TAFA2: variants seen among roughly 807,000 people sequenced by gnomAD.
TAFA2 encodes TAFA chemokine like family member 2.
Under a neutral mutation model 18.8 loss-of-function variants are expected in TAFA2, and 7 were observed. The ratio of observed to expected loss-of-function variants is 0.37; its 90% confidence interval spans 0.21 to 0.70. The LOEUF (loss-of-function observed/expected upper bound fraction) is 0.70, where lower values mean the gene tolerates loss of function less well. Ranked by LOEUF, TAFA2 falls within the 30% of genes least tolerant of loss-of-function variation. TAFA2 has a pLI of 0.53. For missense variants in TAFA2, 122 were observed against 158.1 expected, an observed-to-expected ratio of 0.77 and a Z score of 1.23; for synonymous variants, 60 against 54.2, an observed-to-expected ratio of 1.11 and a Z score of -0.47.
chr12:62,029,280 T>C (rs1437821310), intron 1 of TAFA2, among the ~76,000 whole-genome samples: 1 of 152,172 alleles, frequency 6.6e-6, no homozygotes, highest in Non-Finnish European at 1.5e-5. Flanking sequence ...AAACCATTAA[T>C]TGTGAAACAC....
intron 2 of TAFA2, among the ~76,000 whole-genome samples, chr12:61,833,975 G>C (rs986904837): frequency 2.6e-5 from 4 of 151,982 alleles, no homozygotes; most frequent in Admixed American, 2.6e-4. Context: ...TTTCCTGCAT[G>C]GTTCAAGCCA....
intron 2 of TAFA2, among the ~76,000 whole-genome samples, chr12:61,863,699 G>C (rs1158945943): frequency 6.6e-6 from 1 of 152,172 alleles, no homozygotes; most frequent in Admixed American, 6.5e-5. Flanking sequence ...CGTAGCTGCT[G>C]ATACACTACC....
rs78868494 is a variant in TAFA2, at chr12:62,178,498, C to A, written c.-2+12761G>T. 3.5e-3 allele frequency among the ~76,000 whole-genome samples: 532 copies of A among 152,274 alleles called. 4 individuals are homozygous for A. The highest frequency in any genetic ancestry group is 0.012 in the African/African-American group (494 of 41,554). On this transcript the variant is annotated intron_variant, in intron 1 of 4. Transcript: ENST00000416284. ...AGGGTCTGAGAGTTTACCCTATTTG[C>A]AAACTCACAAGTTAGTCTACCATAT...
chr12:61,988,908 T>A (rs1466418832), intron 1 of TAFA2, among the ~76,000 whole-genome samples: 2 of 152,156 alleles, frequency 1.3e-5, no homozygotes, highest in Non-Finnish European at 2.9e-5. Flanking sequence ...TCATCTTTGT[T>A]TCATGGAAAC....
intron 2 of TAFA2, among the ~76,000 whole-genome samples, chr12:61,833,934 T>C (rs1251994386): frequency 6.6e-6 from 1 of 152,064 alleles, no homozygotes; most frequent in South Asian, 2.1e-4. Flanking sequence ...AGAGCTGGTA[T>C]AGAGCCTGGA....
chr12:62,049,765 T>C (rs1485914005), intron 1 of TAFA2, among the ~76,000 whole-genome samples: 2 of 152,172 alleles, frequency 1.3e-5, no homozygotes, highest in African/African-American at 2.4e-5. Context: ...ATATTGTGTA[T>C]GTATATTATT....
chr12:62,229,310 G>T (rs1450206682), intron 1 of TAFA2, among the ~76,000 whole-genome samples: 1 of 151,904 alleles, frequency 6.6e-6, no homozygotes, highest in Non-Finnish European at 1.5e-5. Context: ...TAAAAGAATG[G>T]CTTTCAATTT....
chr12:61,967,724 G>A (rs746975108), intron 1 of TAFA2, among the ~76,000 whole-genome samples: 2 of 151,776 alleles, frequency 1.3e-5, no homozygotes, highest in African/African-American at 4.8e-5. Context: ...CCTAGTGGCA[G>A]GAGGACTGAA....
Position 62,177,732 on chromosome 12 carries a change from C to T in TAFA2, c.-2+13527G>A, listed in dbSNP as rs144448422. ...GGGGATCTCATTTTATAACCCCCAGCAGTCACCTAAGCCAGGACCCATTAT... is the reference window on the plus strand; with the variant it reads ...GGGGATCTCATTTTATAACCCCCAGTAGTCACCTAAGCCAGGACCCATTAT... On this transcript the variant is annotated intron_variant, in intron 1 of 4. Coordinates refer to ENST00000416284, the MANE Select transcript of TAFA2 (RefSeq NM_178539.5). Among the ~76,000 whole-genome samples the T allele has an allele frequency of 4.6e-5, 7 of 152,274 alleles. No individual in the cohort carries two copies. In the East Asian group the frequency reaches 1.4e-3, roughly 29 times the overall value.
At chr12:62,203,042 G>A (rs746809858) in intron 1 of TAFA2, among the ~76,000 whole-genome samples, 20 of 151,674 alleles carry the variant, frequency 1.3e-4, no homozygotes, top group Admixed American at 4.6e-4. Context: ...GACCAGGCTC[G>A]TCTTGAACTC....
rs118123548 is a variant in TAFA2, at chr12:62,021,816, C to G, written c.-1-154390G>C. ...GACAATGTAATAGTTAACACGGTCTCCGCTGTGGATCATCAGGCCATCCAC... is the reference window on the plus strand; with the variant it reads ...GACAATGTAATAGTTAACACGGTCTGCGCTGTGGATCATCAGGCCATCCAC... On this transcript the variant is annotated intron_variant, in intron 1 of 4. Transcript: ENST00000416284. 1.3e-3 allele frequency: 1,076 copies of G among 855,502 alleles called. 5 individuals are homozygous for G. Among genetic ancestry groups the G allele is most frequent in the Non-Finnish European group, 2.0e-3 (977 of 490,330 alleles). 53.0% of individuals were successfully genotyped at this position (855,502 alleles called of 1,614,324 possible).
intron 1 of TAFA2, among the ~76,000 whole-genome samples, chr12:62,090,347 A>G (rs1468152223): frequency 6.6e-6 from 1 of 152,068 alleles, no homozygotes; most frequent in East Asian, 1.9e-4. Context: ...ACACATCCAT[A>G]ATCTAATAGA....
At chr12:62,089,658 G>A (rs564231743) in intron 1 of TAFA2, among the ~76,000 whole-genome samples, 7 of 152,090 alleles carry the variant, frequency 4.6e-5, no homozygotes, top group African/African-American at 1.4e-4. Context: ...TATATTTATG[G>A]CAACCTGCCC....
chr12:61,837,962 G>T (rs937038170), intron 2 of TAFA2, among the ~76,000 whole-genome samples: 3 of 152,080 alleles, frequency 2.0e-5, no homozygotes, highest in African/African-American at 7.2e-5. Context: ...AGAACTCATT[G>T]AAAATTCTAT....
At chr12:62,203,092 G>A (rs1051244327) in intron 1 of TAFA2, among the ~76,000 whole-genome samples, 2 of 152,124 alleles carry the variant, frequency 1.3e-5, no homozygotes, top group Non-Finnish European at 2.9e-5. Context: ...CTCCCAAAGT[G>A]CTGAGATTAC....
intron 1 of TAFA2, among the ~76,000 whole-genome samples, chr12:62,029,468 G>A (rs1000411268): frequency 1.3e-5 from 2 of 152,152 alleles, no homozygotes; most frequent in Non-Finnish European, 2.9e-5. Context: ...TTGTCTGCTT[G>A]CAGAGCTGCC....
At chr12:62,015,355 T>C (rs540670901) in intron 1 of TAFA2, among the ~76,000 whole-genome samples, 1 of 152,130 alleles carries the variant, frequency 6.6e-6, no homozygotes, top group Non-Finnish European at 1.5e-5. Context: ...GAATAAATGA[T>C]TTAGGTGCAT....
At chr12:62,053,475 G>A (rs749533885) in intron 1 of TAFA2, among the ~76,000 whole-genome samples, 1 of 152,234 alleles carries the variant, frequency 6.6e-6, no homozygotes, top group South Asian at 2.1e-4. Context: ...AATAAATGCT[G>A]CTTTAACTTT....
chr12:61,842,822 G>A (rs1873242274), intron 2 of TAFA2, among the ~76,000 whole-genome samples: 1 of 152,048 alleles, frequency 6.6e-6, no homozygotes, highest in African/African-American at 2.4e-5. Context: ...CTCTGTACAT[G>A]TCACATGTAA....
Sources: gnomAD v4.1 joint callset for allele counts (sites outside exome capture counted in the v4.1 genomes callset) on GRCh38, gnomAD v4.1.1 for gene constraint, MANE v1.5 for transcripts, NCBI Gene and HGNC (gene_info 2026-07-23, HGNC 2026-07-21) for gene names.